TCF20: variants seen among roughly 807,000 people sequenced by gnomAD.
The protein encoded by TCF20 is transcription factor 20, also known as SPRE-binding protein.
TCF20 carries 3 observed loss-of-function variants against 148.6 expected under a neutral mutation model. That is an observed-to-expected ratio of 0.02 (90% CI 0.01 to 0.05). The LOEUF is 0.05. Among genes scored for constraint, TCF20 ranks in the 10% least tolerant of loss-of-function variants. The pLI, the probability that TCF20 is intolerant of heterozygous loss-of-function variation, is 1.00. For missense variants in TCF20, 2,350 were observed against 2,429.3 expected, an observed-to-expected ratio of 0.97 and a Z score of 0.69; for synonymous variants, 1,049 against 909.5, an observed-to-expected ratio of 1.15 and a Z score of -2.76.
At chr22:42,254,481 T>C (rs79256151) in intron 1 of TCF20, among the ~76,000 whole-genome samples, 3,324 of 152,328 alleles carry the variant, frequency 0.022, 140 homozygotes, top group African/African-American at 0.075. Flanking sequence ...TGATATATAC[T>C]GGGTATTGTC....
chr22:42,216,079 CTT>C (rs759118027), intron 1 of TCF20, among the ~76,000 whole-genome samples: 331 of 50,506 alleles, frequency 6.6e-3, no homozygotes, highest in African/African-American at 0.015. Context: ...AAACCAAATC[CTT>C]TTTTTTTTTT....
At chr22:42,334,660 G>A (rs1928035499) in intron 1 of TCF20, among the ~76,000 whole-genome samples, 1 of 152,222 alleles carries the variant, frequency 6.6e-6, no homozygotes, top group Non-Finnish European at 1.5e-5. Flanking sequence ...CATGAGCCAG[G>A]CGCTGCACTG....
chr22:42,286,779 C>T (rs1044152314), upstream of TCF20, among the ~76,000 whole-genome samples: 2 of 152,154 alleles, frequency 1.3e-5, no homozygotes, highest in Non-Finnish European at 2.9e-5. Flanking sequence ...TGAGATTTTG[C>T]GTGGGTAATT....
At chr22:42,229,382 G>A (rs1448084043) in intron 1 of TCF20, among the ~76,000 whole-genome samples, 2 of 152,176 alleles carry the variant, frequency 1.3e-5, no homozygotes, top group Admixed American at 6.5e-5. Flanking sequence ...GGAACGGCAG[G>A]ATATCCAGTC....
At chr22:42,216,328 A>G (rs1921800118) in intron 1 of TCF20, among the ~76,000 whole-genome samples, 1 of 152,074 alleles carries the variant, frequency 6.6e-6, no homozygotes, top group African/African-American at 2.4e-5. Context: ...ACTCCCCAAC[A>G]CTGAGAAACA....
intron 3 of TCF20, among the ~76,000 whole-genome samples, chr22:42,176,378 A>AGG (rs57379598): frequency 1.4e-4 from 22 of 151,930 alleles, no homozygotes; most frequent in Middle Eastern, 3.4e-3. Context: ...GCTGGAAGGA[A>AGG]GGGGGGGGCA....
intron 2 of TCF20, among the ~76,000 whole-genome samples, chr22:42,204,981 A>T (rs1384728937): frequency 6.6e-6 from 1 of 152,208 alleles, no homozygotes; most frequent in Admixed American, 6.5e-5. Context: ...GAGGGGAACA[A>T]GCAAAGACTC....
At chr22:42,234,598 T>C (rs572693971) in intron 1 of TCF20, among the ~76,000 whole-genome samples, 1 of 152,328 alleles carries the variant, frequency 6.6e-6, no homozygotes, top group South Asian at 2.1e-4. Context: ...TGCTAGTTCT[T>C]GCTTTTTTTA....
chr22:42,229,435 G>A (rs1396078148), intron 1 of TCF20, among the ~76,000 whole-genome samples: 1 of 152,124 alleles, frequency 6.6e-6, no homozygotes, highest in Non-Finnish European at 1.5e-5. Flanking sequence ...TTCTTTTATT[G>A]TTGTTTTTAA....
intron 1 of TCF20, among the ~76,000 whole-genome samples, chr22:42,326,818 C>T (rs1927883390): frequency 6.6e-6 from 1 of 152,260 alleles, no homozygotes; most frequent in African/African-American, 2.4e-5. Context: ...CTGAAGAGCC[C>T]AGAGAGGGCC....
At chr22:42,316,499 C>T (rs901074485) in intron 1 of TCF20, among the ~76,000 whole-genome samples, 2 of 152,150 alleles carry the variant, frequency 1.3e-5, no homozygotes, top group African/African-American at 4.8e-5. Flanking sequence ...CAGAGAAGGG[C>T]GAGGTGGGCA....
At chr22:42,204,905 TA>T (rs68144263) in intron 2 of TCF20, among the ~76,000 whole-genome samples, 9,586 of 146,396 alleles carry the variant, frequency 0.065, 609 homozygotes, top group East Asian at 0.33. Context: ...TACTGTCAGG[TA>T]AAAAAAAAAG....
intron 1 of TCF20, among the ~76,000 whole-genome samples, chr22:42,251,367 A>C (rs1006490908): frequency 2.0e-5 from 3 of 151,938 alleles, no homozygotes; most frequent in African/African-American, 7.3e-5. Context: ...TTTTTTGTAG[A>C]GACAGGGTTT....
At chr22:42,168,234 C>T (rs1935906722) in intron 5 of TCF20, among the ~76,000 whole-genome samples, 1 of 152,124 alleles carries the variant, frequency 6.6e-6, no homozygotes, top group African/African-American at 2.4e-5. Flanking sequence ...AAAGAAGAGA[C>T]CTTTGACTGG....
intron 1 of TCF20, among the ~76,000 whole-genome samples, chr22:42,307,269 G>A (rs936676383): frequency 5.9e-5 from 9 of 152,132 alleles, no homozygotes; most frequent in African/African-American, 2.2e-4. Flanking sequence ...TCCTCGCCCC[G>A]GAATGTGAGG....
intron 1 of TCF20, among the ~76,000 whole-genome samples, chr22:42,307,825 C>T (rs573296935): frequency 1.1e-4 from 17 of 152,310 alleles, no homozygotes; most frequent in Middle Eastern, 3.4e-3. Flanking sequence ...GGTGTGACTC[C>T]GGTCAGGTCC....
In TCF20 at chr22:42,213,542, G is replaced by A. The variant is rs1298899895; in HGVS notation, c.1764C>T (p.Asp588=). The part of the protein sequence containing the change: ...REEATSPGAK[D]MPLSSDGNPK... ...GGTTCCCGTCGGATGACAATGGCAT[G>A]TCCTTAGCGCCTGGTGAGGTGGCCT... is the stretch of plus-strand genomic sequence containing the variant. The change falls in exon 2 of 6, where the codon GAC becomes GAT. Residue 588 remains aspartate (D), a synonymous_variant. Coordinates refer to ENST00000677622, the MANE Select transcript of TCF20 (RefSeq NM_001378418.1). The A allele has an allele frequency of 1.2e-6, 2 of 1,614,180 alleles. No homozygotes were observed. Among genetic ancestry groups the A allele is most frequent in the East Asian group, 4.5e-5 (2 of 44,884 alleles).
In TCF20 at chr22:42,292,794, G is replaced by A. The variant is rs1238830867; in HGVS notation, c.-37+50685C>T. 6.6e-6 allele frequency among the ~76,000 whole-genome samples: 1 copy of A among 151,640 alleles called. No individual in the cohort carries two copies. Among genetic ancestry groups the A allele is most frequent in the African/African-American group, 2.4e-5 (1 of 41,220 alleles). On this transcript the variant is annotated intron_variant, in intron 1 of 1. Coordinates refer to the TCF20 transcript ENST00000515426. The surrounding 1 kb of genome is among the most constrained non-coding windows in gnomAD (Gnocchi z 4.9). Reference sequence around the variant, plus strand: ...CCCCTCTGCGCCTCCAGGGCCGGCCGAGCACTAGCCCAGGCCCAGGAGAAT... The same window carrying A: ...CCCCTCTGCGCCTCCAGGGCCGGCCAAGCACTAGCCCAGGCCCAGGAGAAT...
In TCF20 at chr22:42,161,064, A is replaced by G. The variant is rs577494948; in HGVS notation, c.*339T>C. ...AGACTAAAAATAGATTTATATATATATATTTATCCCTCCCTTTTAATTCCC... is the reference window on the plus strand; with the variant it reads ...AGACTAAAAATAGATTTATATATATGTATTTATCCCTCCCTTTTAATTCCC... On this transcript the variant is annotated 3_prime_UTR_variant, in exon 6 of 6. Transcript: ENST00000677622. The G allele has an allele frequency of 3.6e-5, 13 of 365,448 alleles. No individual in the cohort carries two copies. In the South Asian group the frequency reaches 8.8e-4, roughly 25 times the overall value. 22.6% of individuals were successfully genotyped at this position (365,448 alleles called of 1,614,324 possible). A position where few individuals can be genotyped will look rare whatever the true frequency, so the allele number is the denominator to read the frequency against.
Sources: allele counts gnomAD v4.1 joint callset (sites outside exome capture counted in the v4.1 genomes callset), GRCh38; gene constraint gnomAD v4.1.1; non-coding constraint Gnocchi (gnomAD v3.1); transcripts MANE v1.5; gene names NCBI Gene and HGNC (gene_info 2026-07-23, HGNC 2026-07-21).